The following PAG1 variants were observed in gnomAD, a reference collection of about 807,000 sequenced individuals.
PAG1 encodes the protein phosphoprotein associated with glycosphingolipid-enriched microdomains 1.
PAG1 carries 23 observed loss-of-function variants against 31.7 expected under a neutral mutation model. The observed-to-expected ratio is 0.73, with a 90% CI of 0.52 to 1.03. The LOEUF is 1.03. Among genes scored for constraint, PAG1 ranks in the 50% least tolerant of loss-of-function variants. The pLI is 0.00. For missense variants in PAG1, 473 were observed against 540.7 expected, an observed-to-expected ratio of 0.87 and a Z score of 1.24; for synonymous variants, 214 against 210.3, an observed-to-expected ratio of 1.02 and a Z score of -0.15.
intron 1 of PAG1, among the ~76,000 whole-genome samples, chr8:81,099,285 C>T (rs562421696): frequency 4.1e-4 from 62 of 152,342 alleles, no homozygotes; most frequent in Non-Finnish European, 8.1e-4. Flanking sequence ...AGTTTCCCCA[C>T]ATCTTGAGAG....
In PAG1 at chr8:80,973,939, C is replaced by T. The variant is rs920249111; in HGVS notation, c.*2605G>A. On this transcript the variant is annotated 3_prime_UTR_variant, in exon 9 of 9. Coordinates refer to ENST00000220597, the MANE Select transcript of PAG1 (RefSeq NM_018440.4). Reference sequence around the variant, plus strand: ...CCTGTGCTACCATCTATTCTTTTAGCGTTTATGCTGGAGGGCCTTATAGTT... The same window carrying T: ...CCTGTGCTACCATCTATTCTTTTAGTGTTTATGCTGGAGGGCCTTATAGTT... 12 of 152,192 alleles carry T rather than the reference C, an allele frequency of 7.9e-5. No individual in the cohort carries two copies. 9.4% of individuals were successfully genotyped at this position (152,192 alleles called of 1,614,324 possible).
chr8:81,110,542 T>C (rs1398805272), intron 1 of PAG1, among the ~76,000 whole-genome samples: 1 of 152,222 alleles, frequency 6.6e-6, no homozygotes, highest in Non-Finnish European at 1.5e-5. Context: ...TAAATCATGC[T>C]CTTTGTTTAT....
At chr8:81,030,617 T>C (rs1243731698) in intron 2 of PAG1, among the ~76,000 whole-genome samples, 2 of 152,188 alleles carry the variant, frequency 1.3e-5, no homozygotes, top group African/African-American at 2.4e-5. Context: ...TAGCCCCGAG[T>C]TGTCCCTTCA....
At chr8:80,994,274 A>G (rs1807626761) in intron 3 of PAG1, among the ~76,000 whole-genome samples, 1 of 152,204 alleles carries the variant, frequency 6.6e-6, no homozygotes, top group African/African-American at 2.4e-5. Context: ...TGTTTACACT[A>G]CCCTGCTGTG....
At position 80,983,783 on chromosome 8, in the gene PAG1, T is replaced by C. The variant is rs572849862; in HGVS notation, c.876+993A>G. On this transcript the variant is annotated intron_variant, in intron 7 of 8. Coordinates refer to ENST00000220597, the MANE Select transcript of PAG1 (RefSeq NM_018440.4). ...ACATCAGGTTTATGGTCTTTGGTTCTATGAAGGGCAAAAAATTGGACTGCA... is the reference window on the plus strand; with the variant it reads ...ACATCAGGTTTATGGTCTTTGGTTCCATGAAGGGCAAAAAATTGGACTGCA... 2.0e-5 allele frequency among the ~76,000 whole-genome samples: 3 copies of C among 152,348 alleles called. No individual in the cohort carries two copies. In the South Asian group the frequency reaches 6.2e-4, roughly 32 times the overall value.
chr8:81,102,692 T>C (rs965692839), intron 1 of PAG1, among the ~76,000 whole-genome samples: 15 of 152,180 alleles, frequency 9.9e-5, no homozygotes, highest in African/African-American at 3.6e-4. Flanking sequence ...CAAAATTAGG[T>C]AAATAAAAAA....
intron 3 of PAG1, among the ~76,000 whole-genome samples, chr8:81,024,896 C>A (rs895045425): frequency 1.1e-4 from 16 of 152,176 alleles, no homozygotes; most frequent in African/African-American, 3.6e-4. Context: ...ATTTTACCCT[C>A]ACCAATTTTT....
intron 8 of PAG1, 39 bp from the exon 9 acceptor site, chr8:80,976,945 T>A: frequency 6.4e-7 from 1 of 1,555,684 alleles, no homozygotes; most frequent in Non-Finnish European, 8.7e-7. Flanking sequence ...CTTCCAGCTG[T>A]GACTTCCCCC....
intron 2 of PAG1, among the ~76,000 whole-genome samples, chr8:81,065,403 A>G (rs1165870657): frequency 6.6e-6 from 1 of 152,200 alleles, no homozygotes; most frequent in Non-Finnish European, 1.5e-5. Context: ...ATGGAAATCA[A>G]GAAGTGAAAT....
chr8:81,063,271 G>C (rs543008138), intron 2 of PAG1, among the ~76,000 whole-genome samples: 1 of 152,294 alleles, frequency 6.6e-6, no homozygotes, highest in African/African-American at 2.4e-5. Context: ...GCAGTTGAGG[G>C]AGGGTTTTTA....
At chr8:81,029,881 CTCTTA>C (rs2130784850) in intron 3 of PAG1, 110 bp downstream of exon 3, 1 of 152,364 alleles carries the variant, frequency 6.6e-6, no homozygotes, top group South Asian at 2.1e-4. Flanking sequence ...CTCTCTCTTT[CTCTTA>C]TGTCACTCTA....
intron 2 of PAG1, among the ~76,000 whole-genome samples, chr8:81,063,133 G>C (rs1419303659): frequency 6.6e-6 from 1 of 152,126 alleles, no homozygotes; most frequent in East Asian, 1.9e-4. Context: ...AGCCCTATTT[G>C]GAACTGAGTC....
At position 81,070,001 on chromosome 8, in the gene PAG1, C is replaced by T. The variant is rs376813243; in HGVS notation, c.-175+111G>A. On this transcript the variant is annotated intron_variant, in intron 2 of 8. Coordinates refer to ENST00000220597, the MANE Select transcript of PAG1 (RefSeq NM_018440.4). ...AGAAGCTGTGTGTCTGCAGACTTAA[C>T]CCAAACAGAGTCTCCAAATCAACAA... 9 of 152,322 alleles carry T rather than the reference C, an allele frequency of 5.9e-5. 2 individuals carry two copies. Among genetic ancestry groups the T allele is most frequent in the Admixed American group, 3.3e-4 (5 of 15,298 alleles). The allele number at this position is 152,322 out of a possible 1,614,324, so 9.4% of individuals were successfully genotyped here. A position where few individuals can be genotyped will look rare whatever the true frequency, so the allele number is the denominator to read the frequency against.
intron 3 of PAG1, among the ~76,000 whole-genome samples, chr8:81,001,373 C>T (rs1586157086): frequency 6.6e-6 from 1 of 152,288 alleles, no homozygotes; most frequent in African/African-American, 2.4e-5. Flanking sequence ...GCATATTGGT[C>T]AGATCTTCAA....
chr8:81,060,123 T>C (rs143426941), intron 2 of PAG1, among the ~76,000 whole-genome samples: 1,642 of 152,302 alleles, frequency 0.011, 36 homozygotes, highest in African/African-American at 0.037. Flanking sequence ...GTTTCTGCAC[T>C]GGACCACTGG....
At chr8:81,029,466 AG>A (rs1253296104) in intron 3 of PAG1, among the ~76,000 whole-genome samples, 2 of 152,106 alleles carry the variant, frequency 1.3e-5, no homozygotes, top group Non-Finnish European at 2.9e-5. Context: ...AACCAATGAA[AG>A]GCTTACTAAA....
chr8:81,092,138 A>G (rs971118171), intron 1 of PAG1, among the ~76,000 whole-genome samples: 3 of 139,064 alleles, frequency 2.2e-5, no homozygotes, highest in African/African-American at 7.9e-5. Context: ...GGATGGCTTG[A>G]TCTCAGGAGT....
intron 1 of PAG1, among the ~76,000 whole-genome samples, chr8:81,110,560 A>G (rs545098345): frequency 6.6e-6 from 1 of 152,364 alleles, no homozygotes; most frequent in African/African-American, 2.4e-5. Flanking sequence ...TATTAAGATA[A>G]TTAGGCCCAT....
rs139668919 is a variant in PAG1 at position 81,044,230 on chromosome 8, C to T, written c.-174-14141G>A. On this transcript the variant is annotated intron_variant, in intron 2 of 8. Coordinates refer to ENST00000220597, the MANE Select transcript of PAG1 (RefSeq NM_018440.4). ...AGTCCTAACTCCCAGTACCTCAGAA[C>T]GTGACTTCATTTGGAAATAGGGTCT... 4.9e-3 allele frequency among the ~76,000 whole-genome samples: 739 copies of T among 152,298 alleles called. 3 individuals carry two copies. The highest frequency in any genetic ancestry group is 0.01 in the Middle Eastern group (3 of 294).
Sources: gnomAD v4.1 joint callset for allele counts (sites outside exome capture counted in the v4.1 genomes callset) on GRCh38, gnomAD v4.1.1 for gene constraint, MANE v1.5 for transcripts, NCBI Gene and HGNC (gene_info 2026-07-23, HGNC 2026-07-21) for gene names.